Variants in SIPA1L1 observed in about 807,000 individuals in gnomAD.
SIPA1L1 encodes the protein signal induced proliferation associated 1 like 1.
In SIPA1L1, 26 loss-of-function variants were observed where a neutral mutation model predicts 162.7. That is an observed-to-expected ratio of 0.16 (90% CI 0.12 to 0.22). The LOEUF (loss-of-function observed/expected upper bound fraction) is 0.22. Ranked by LOEUF, SIPA1L1 falls within the 10% of genes least tolerant of loss-of-function variation. The pLI, the probability that SIPA1L1 is intolerant of heterozygous loss-of-function variation, is 1.00. For synonymous variants in SIPA1L1, 829 were observed against 837.4 expected (o/e 0.99, Z 0.17); for missense variants, 1,874 against 2,241.0 (o/e 0.84, Z 3.31).
intron 10 of SIPA1L1, among the ~76,000 whole-genome samples, chr14:71,665,176 A>G (rs922624016): frequency 2.6e-5 from 4 of 152,322 alleles, no homozygotes; most frequent in Non-Finnish European, 5.9e-5. Context: ...TTTATTTTTC[A>G]TTAGTTCTTT....
intron 7 of SIPA1L1, among the ~76,000 whole-genome samples, chr14:71,643,181 T>TA (rs2041877425): frequency 6.6e-6 from 1 of 152,078 alleles, no homozygotes; most frequent in African/African-American, 2.4e-5. Context: ...CACCAACAGA[T>TA]ATCATAATCA....
intron 2 of SIPA1L1, among the ~76,000 whole-genome samples, chr14:71,417,502 A>AAAAAAAAAAAAC (rs1421003331): frequency 7.0e-6 from 1 of 143,796 alleles, no homozygotes; most frequent in Non-Finnish European, 1.5e-5. Flanking sequence ...AAAAAAAAAA[A>AAAAAAAAAAAAC]AGAAAATCCT....
intron 2 of SIPA1L1, among the ~76,000 whole-genome samples, chr14:71,450,833 A>G (rs2045761997): frequency 6.6e-6 from 1 of 152,240 alleles, no homozygotes. Context: ...CCATTATGCA[A>G]AACAATATGG....
intron 2 of SIPA1L1, among the ~76,000 whole-genome samples, chr14:71,443,137 C>T (rs12881957): frequency 0.17 from 25,102 of 152,052 alleles, 2,684 homozygotes; most frequent in Middle Eastern, 0.34. Flanking sequence ...CTTACAGTGC[C>T]TGTGTTCAAA....
chr14:71,405,336 T>G (rs943636816), intron 2 of SIPA1L1, among the ~76,000 whole-genome samples: 1 of 152,152 alleles, frequency 6.6e-6, no homozygotes, highest in African/African-American at 2.4e-5. Context: ...CCAGTGGAGC[T>G]AAAGTGAGTA....
At chr14:71,700,599 A>C (rs2082009113) in intron 14 of SIPA1L1, among the ~76,000 whole-genome samples, 1 of 152,208 alleles carries the variant, frequency 6.6e-6, no homozygotes, top group Non-Finnish European at 1.5e-5. Flanking sequence ...TATTTTTGAT[A>C]AGTGCTACAT....
At chr14:71,608,216 C>T (rs1317156653) in intron 5 of SIPA1L1, among the ~76,000 whole-genome samples, 3 of 152,160 alleles carry the variant, frequency 2.0e-5, no homozygotes, top group South Asian at 2.1e-4. Context: ...ATTTAGTCAA[C>T]AAAGAGGTAG....
chr14:71,376,167 A>T (rs898743254), intron 2 of SIPA1L1, among the ~76,000 whole-genome samples: 4 of 152,128 alleles, frequency 2.6e-5, no homozygotes, highest in African/African-American at 9.7e-5. Flanking sequence ...TGGACTTAGA[A>T]TTTCCATTTT....
intron 2 of SIPA1L1, among the ~76,000 whole-genome samples, chr14:71,511,021 T>C (rs895958570): frequency 2.0e-5 from 3 of 152,208 alleles, no homozygotes; most frequent in Admixed American, 2.0e-4. Flanking sequence ...ACTTTTCTTT[T>C]AGTTAGTTGG....
Position 71,498,620 on chromosome 14 carries a change from T to C in SIPA1L1, c.-464-14123T>C, listed in dbSNP as rs149120649. Among the ~76,000 whole-genome samples, 32 of 152,328 alleles carry C rather than the reference T, an allele frequency of 2.1e-4. No homozygotes were observed. In the East Asian group the frequency reaches 6.2e-3, roughly 29 times the overall value. On this transcript the variant is annotated intron_variant, in intron 2 of 23. Coordinates refer to ENST00000381232, the MANE Select transcript of SIPA1L1 (RefSeq NM_001386936.1). ...TGTGCAGTGAGCATTGTCTATGAGC[T>C]GAATAAACAGTATTCCATGCAGTAC...
chr14:71,386,776 T>C (rs2040354214), intron 2 of SIPA1L1, among the ~76,000 whole-genome samples: 1 of 152,236 alleles, frequency 6.6e-6, no homozygotes, highest in Admixed American at 6.5e-5. Flanking sequence ...ATCTCATTAA[T>C]ACATACCTTC....
intron 16 of SIPA1L1, among the ~76,000 whole-genome samples, 200 bp from the exon 17 acceptor site, chr14:71,709,022 C>A (rs2082677626): frequency 6.6e-6 from 1 of 151,356 alleles, no homozygotes. Flanking sequence ...AAAAAAAACA[C>A]GTTTCTAGTA....
intron 2 of SIPA1L1, among the ~76,000 whole-genome samples, chr14:71,348,110 T>C (rs955860395): frequency 1.3e-5 from 2 of 152,262 alleles, no homozygotes; most frequent in Middle Eastern, 3.4e-3. Flanking sequence ...TTAAAAAAAT[T>C]TTTGGAAGTA....
intron 3 of SIPA1L1, among the ~76,000 whole-genome samples, chr14:71,524,437 T>G (rs892406420): frequency 3.3e-5 from 5 of 152,232 alleles, no homozygotes; most frequent in Admixed American, 1.3e-4. Flanking sequence ...TCGGGAAACA[T>G]TACCATGGTT....
chr14:71,663,731 G>A (rs1045029621), intron 10 of SIPA1L1, among the ~76,000 whole-genome samples: 3 of 152,056 alleles, frequency 2.0e-5, no homozygotes, highest in African/African-American at 4.8e-5. Context: ...AGAGCCCACC[G>A]TTTGAACCCC....
rs2044442656 is a variant in SIPA1L1 at position 71,437,055 on chromosome 14, CACCCGGCCAGCTTTTGAATTTCTAAA to C, written c.-464-75686_-464-75661del. ...CTGGGATTACAGGCATGAGCTGCTG[CACCCGGCCAGCTTTTGAATTTCTAAA>C]AGAATATCCTGATAATCTTATTGGG... is the stretch of plus-strand genomic sequence containing the variant. On this transcript the variant is annotated intron_variant, in intron 2 of 23. Transcript: ENST00000381232. 4.6e-5 allele frequency among the ~76,000 whole-genome samples: 7 copies of C among 152,208 alleles called. No homozygotes were observed. In the South Asian group the frequency reaches 1.4e-3, roughly 32 times the overall value.
chr14:71,701,398 T>G (rs2082093278), intron 14 of SIPA1L1, among the ~76,000 whole-genome samples: 1 of 151,960 alleles, frequency 6.6e-6, no homozygotes, highest in Non-Finnish European at 1.5e-5. Context: ...TTTTTTTTTT[T>G]TTGTGGAGCC....
At chr14:71,496,651 A>T (rs1378028357) in intron 2 of SIPA1L1, among the ~76,000 whole-genome samples, 1 of 152,090 alleles carries the variant, frequency 6.6e-6, no homozygotes, top group Non-Finnish European at 1.5e-5. Flanking sequence ...ACCCTTGCTG[A>T]TGTTTTGTCT....
intron 2 of SIPA1L1, among the ~76,000 whole-genome samples, chr14:71,496,913 T>C (rs191498633): frequency 6.6e-6 from 1 of 152,170 alleles, no homozygotes; most frequent in African/African-American, 2.4e-5. Flanking sequence ...GGCTCACGCC[T>C]GTAATCCCAG....
Sources: allele counts gnomAD v4.1 joint callset (sites outside exome capture counted in the v4.1 genomes callset), GRCh38; gene constraint gnomAD v4.1.1; transcripts MANE v1.5; gene names NCBI Gene and HGNC (gene_info 2026-07-23, HGNC 2026-07-21).